Variants in TCF7L1 observed in about 807,000 individuals in gnomAD.
TCF7L1 encodes the protein transcription factor 7 like 1.
Under a neutral mutation model 63.7 loss-of-function variants are expected in TCF7L1, and 18 were observed. The ratio of observed to expected loss-of-function variants is 0.28; its 90% CI spans 0.20 to 0.42. The LOEUF is 0.42. TCF7L1 is among the 10% of genes least tolerant of loss of function. TCF7L1 has a pLI of 1.00. For synonymous variants in TCF7L1, 355 were observed against 340.9 expected (o/e 1.04, Z -0.46); for missense variants, 654 against 779.3 (o/e 0.84, Z 1.91).
chr2:85,242,640 C>A (rs184574904), intron 3 of TCF7L1, among the ~76,000 whole-genome samples: 24 of 152,208 alleles, frequency 1.6e-4, no homozygotes, highest in African/African-American at 5.3e-4. Context: ...GTATAGAAGG[C>A]AAATGTTGAG....
chr2:85,246,983 G>T (rs1680481453), intron 3 of TCF7L1, among the ~76,000 whole-genome samples: 2 of 152,164 alleles, frequency 1.3e-5, no homozygotes, highest in South Asian at 4.1e-4. Context: ...GGAGTGGGAG[G>T]TTTTAGCAGC....
At chr2:85,202,929 G>A (rs1197649648) in intron 3 of TCF7L1, among the ~76,000 whole-genome samples, 1 of 152,170 alleles carries the variant, frequency 6.6e-6, no homozygotes, top group East Asian at 1.9e-4. Context: ...CACCTCCTGG[G>A]TTCACGCCAT....
chr2:85,134,087 C>A lies in TCF7L1; in HGVS notation c.313+8C>A. ...GGGACTATTTCGCCGAAGGTATGTG[C>A]CCGCTGGGACAGCCCCCCACTCTCG... On this transcript the variant is annotated splice_region_variant and intron_variant, in intron 2 of 11. Coordinates refer to ENST00000282111, the MANE Select transcript of TCF7L1 (RefSeq NM_031283.3). The surrounding 1 kb of genome is among the most constrained non-coding windows in gnomAD (Gnocchi z 5.0). 1 of 1,608,888 alleles carries A rather than the reference C, an allele frequency of 6.2e-7. No individual in the cohort carries two copies.
chr2:85,304,347 C>CGGGGCT lies in TCF7L1; in HGVS notation c.845+17_845+22dup. 6.2e-7 allele frequency: 1 copy of CGGGGCT among 1,613,516 alleles called. No homozygotes were observed. The highest frequency in any genetic ancestry group is 8.5e-7 in the Non-Finnish European group (1 of 1,179,784). On this transcript the variant is annotated intron_variant, in intron 7 of 11. Coordinates refer to ENST00000282111, the MANE Select transcript of TCF7L1 (RefSeq NM_031283.3). Reference sequence around the variant, plus strand: ...AACGCCTCGATGTCCAGGTGAGTCCCGGGGCTGGGGCTGTCCGCATGTTTG... The same window carrying CGGGGCT: ...AACGCCTCGATGTCCAGGTGAGTCCCGGGGCTGGGGCTGGGGCTGTCCGCATGTTTG...
chr2:85,262,035 A>T (rs1325953789), intron 3 of TCF7L1: 1 of 528,252 alleles, frequency 1.9e-6, no homozygotes. Flanking sequence ...TTCATTGATC[A>T]TTTCTAGCTG....
At chr2:85,179,846 A>G (rs1161657465) in intron 3 of TCF7L1, among the ~76,000 whole-genome samples, 12 of 152,246 alleles carry the variant, frequency 7.9e-5, no homozygotes, top group South Asian at 4.1e-4. Context: ...AAAGAAAGAA[A>G]TATATCCTTT....
Position 85,302,619 on chromosome 2 carries a change from A to G in TCF7L1, c.658+3A>G. On this transcript the variant is annotated splice_donor_region_variant and intron_variant, in intron 5 of 11. Transcript: ENST00000282111. The stretch of plus-strand genomic sequence containing the variant: ...CCCAGAGATCGATCCAAAGACAGGT[A>G]AGTCGTCTGCCACTCAGGCAGTGCT... 1 of 1,377,372 alleles carries G rather than the reference A, an allele frequency of 7.3e-7. No homozygotes were observed. The highest frequency in any genetic ancestry group is 1.9e-5 in the Admixed American group (1 of 53,306). 85.3% of individuals were successfully genotyped at this position (1,377,372 alleles called of 1,614,324 possible).
chr2:85,150,164 A>ATCTTATGCTTAATTGTC (rs1477731032), intron 3 of TCF7L1, among the ~76,000 whole-genome samples: 1 of 151,194 alleles, frequency 6.6e-6, no homozygotes, highest in Non-Finnish European at 1.5e-5. Flanking sequence ...TCAACATCAC[A>ATCTTATGCTTAATTGTC]TCTTATGCTT....
At chr2:85,224,817 C>T (rs934648787) in intron 3 of TCF7L1, among the ~76,000 whole-genome samples, 1 of 145,884 alleles carries the variant, frequency 6.9e-6, no homozygotes, top group Non-Finnish European at 1.5e-5. Flanking sequence ...GCTTTTGTTG[C>T]CATTGCTTTT....
chr2:85,163,412 C>T (rs1052071502), intron 3 of TCF7L1, among the ~76,000 whole-genome samples: 3 of 152,132 alleles, frequency 2.0e-5, no homozygotes, highest in African/African-American at 7.2e-5. Flanking sequence ...CTATGCCCCT[C>T]CATCACCCAG....
intron 6 of TCF7L1, 113 bp downstream of exon 6, chr2:85,304,110 G>A (rs894793418): frequency 2.6e-6 from 3 of 1,169,590 alleles, no homozygotes; most frequent in Non-Finnish European, 3.7e-6. Context: ...CCAGGACTAG[G>A]CCTCCCTGCC....
chr2:85,222,507 A>G (rs2104302458), intron 3 of TCF7L1, among the ~76,000 whole-genome samples: 1 of 151,834 alleles, frequency 6.6e-6, no homozygotes, highest in East Asian at 1.9e-4. Context: ...TGTCTCCACC[A>G]AAAATACAAA....
intron 3 of TCF7L1, among the ~76,000 whole-genome samples, chr2:85,139,958 G>A (rs56213912): frequency 0.11 from 16,574 of 152,176 alleles, 978 homozygotes; most frequent in Middle Eastern, 0.14. Context: ...ATTGGAGGAC[G>A]AGGACCTGGA....
rs1678704093 is a variant in TCF7L1, at chr2:85,177,486, C to T, written c.441+43036C>T. On this transcript the variant is annotated intron_variant, in intron 3 of 11. Coordinates refer to ENST00000282111, the MANE Select transcript of TCF7L1 (RefSeq NM_031283.3). ...TTGGGAGGTCGAGGAAGAAGGATCA[C>T]TTGAGCCCAGGCATTTGAAAGTGGC... 2.0e-5 allele frequency among the ~76,000 whole-genome samples: 3 copies of T among 152,222 alleles called. 1 individual carries two copies. The South Asian group carries it at 6.2e-4, about 32-fold the overall frequency.
intron 3 of TCF7L1, among the ~76,000 whole-genome samples, chr2:85,251,184 C>T (rs1680578510): frequency 6.6e-6 from 1 of 152,138 alleles, no homozygotes; most frequent in Admixed American, 6.5e-5. Context: ...ACTAATTTAA[C>T]AATTTAGGAG....
At chr2:85,291,591 G>T (rs78126551) in intron 4 of TCF7L1, among the ~76,000 whole-genome samples, 2 of 128,634 alleles carry the variant, frequency 1.6e-5, no homozygotes, top group African/African-American at 3.4e-5. Flanking sequence ...TTTGGTTTTG[G>T]TTTTAGGACG....
chr2:85,135,782 A>T (rs1329164868), intron 3 of TCF7L1, among the ~76,000 whole-genome samples: 1 of 134,346 alleles, frequency 7.4e-6, no homozygotes, highest in Non-Finnish European at 1.7e-5. Context: ...TTGCCCCGAG[A>T]GGGAGGGAGG....
rs560281935 is a variant in TCF7L1 at position 85,194,618 on chromosome 2, C to G, written c.441+60168C>G. On this transcript the variant is annotated intron_variant, in intron 3 of 11. Coordinates refer to ENST00000282111, the MANE Select transcript of TCF7L1 (RefSeq NM_031283.3). ...ATGGGGATCCTGCAACTAAGCCAGC[C>G]AAACTTGAGTCTAGAATTGTGTGCC... is the stretch of plus-strand genomic sequence containing the variant. Among the ~76,000 whole-genome samples, 16 of 152,270 alleles carry G rather than the reference C, an allele frequency of 1.1e-4. No homozygotes were observed. In the East Asian group the frequency reaches 2.9e-3, roughly 28 times the overall value.
intron 3 of TCF7L1, among the ~76,000 whole-genome samples, chr2:85,278,438 A>G (rs1161240374): frequency 1.3e-5 from 2 of 152,268 alleles, no homozygotes; most frequent in African/African-American, 2.4e-5. Flanking sequence ...GCATTCCACA[A>G]TACAGCGTAA....
Sources: gnomAD v4.1 joint callset for allele counts (sites outside exome capture counted in the v4.1 genomes callset) on GRCh38, gnomAD v4.1.1 for gene constraint, Gnocchi (gnomAD v3.1) non-coding constraint, MANE v1.5 for transcripts, NCBI Gene and HGNC (gene_info 2026-07-23, HGNC 2026-07-21) for gene names.